Variants in MYCBP2 observed in about 807,000 individuals in gnomAD.
MYCBP2 encodes the protein E3 ubiquitin-protein ligase MYCBP2.
In MYCBP2, 120 loss-of-function variants were observed where a neutral mutation model predicts 525.3. The ratio of observed to expected loss-of-function variants is 0.23; its 90% confidence interval spans 0.20 to 0.27. The LOEUF is 0.27. Ranked by LOEUF, MYCBP2 falls within the 10% of genes least tolerant of loss-of-function variation. The pLI is 1.00. For missense variants in MYCBP2, 4,149 were observed against 5,657.1 expected (o/e 0.73, Z 8.55); for synonymous variants, 1,894 against 1,955.8 (o/e 0.97, Z 0.83).
Position 77,174,380 on chromosome 13 carries a change from C to A in MYCBP2, c.5582G>T (p.Ser1861Ile), listed in dbSNP as rs747401240. Residue 1861 changes from serine (S) to isoleucine (I), a missense_variant, in exon 37 of 83, where the codon AGC (serine) becomes ATC (isoleucine). Physicochemically the swap from Ser to Ile is moderately radical, Grantham distance 142. Coordinates refer to ENST00000544440, the MANE Select transcript of MYCBP2 (RefSeq NM_015057.5). ...GCCGTTACTGCTCAAGCTGCACGTGCTGAATGTGAATGTCACACCATCAGG... is the reference window on the plus strand; with the variant it reads ...GCCGTTACTGCTCAAGCTGCACGTGATGAATGTGAATGTCACACCATCAGG... Reference protein sequence around the residue: ...QCPDGVTFTFSTCSLSSNGTN... With the variant: ...QCPDGVTFTFITCSLSSNGTN... 2 of 1,614,068 alleles carry A rather than the reference C, an allele frequency of 1.2e-6. No homozygotes were observed. The highest frequency in any genetic ancestry group is 2.7e-5 in the African/African-American group (2 of 74,942).
At chr13:77,131,834 C>T (rs139713487) in intron 52 of MYCBP2, among the ~76,000 whole-genome samples, 3 of 152,108 alleles carry the variant, frequency 2.0e-5, no homozygotes, top group Non-Finnish European at 4.4e-5. Context: ...TTAATGAACA[C>T]CAAATTGCAA....
chr13:77,303,350 A>C (rs766446350), intron 1 of MYCBP2, among the ~76,000 whole-genome samples: 12 of 152,342 alleles, frequency 7.9e-5, no homozygotes, highest in African/African-American at 2.6e-4. Context: ...ACAAACAAAC[A>C]AACCATGATT....
Position 77,225,498 on chromosome 13 carries a change from C to T in MYCBP2, c.2794G>A (p.Gly932Ser). Reference protein sequence around the residue: ...DASKITTYPPGSVRFDCELRA... With the variant: ...DASKITTYPPSSVRFDCELRA... ...AGCTCACAGTCAAATCGCACAGAGCCTGGAGGGTATGTTGTGATTTTGCTT... is the reference window on the plus strand; with the variant it reads ...AGCTCACAGTCAAATCGCACAGAGCTTGGAGGGTATGTTGTGATTTTGCTT... Residue 932 changes from glycine (G) to serine (S), a missense_variant, in exon 19 of 83, where the codon GGC (glycine) becomes AGC (serine). By Grantham distance (56) the Gly-to-Ser change is moderately conservative (BLOSUM62 0). Transcript: ENST00000544440. 3.7e-6 allele frequency: 6 copies of T among 1,613,740 alleles called. No homozygotes were observed. The highest frequency in any genetic ancestry group is 5.1e-6 in the Non-Finnish European group (6 of 1,179,780).
chr13:77,077,206 G>A lies in MYCBP2; in HGVS notation c.11666C>T (p.Ala3889Val), dbSNP rs2042467920. 6.2e-7 allele frequency: 1 copy of A among 1,613,970 alleles called. No homozygotes were observed. The highest frequency in any genetic ancestry group is 8.5e-7 in the Non-Finnish European group (1 of 1,179,956). Residue 3889 changes from alanine to valine, a missense_variant, in exon 67 of 83, where the codon GCC becomes GTC. Transcript: ENST00000544440. ...CTCAGCTTCACAGTTCCTCTGCTGG[G>A]CCACACTGGCTGAAATCTGGCCAGC... is the stretch of plus-strand genomic sequence containing the variant. Reference protein sequence around the residue: ...KIAGQISASVAQQRNCEAETL... With the variant: ...KIAGQISASVVQQRNCEAETL...
chr13:77,234,001 CAT>C (rs202176868), intron 17 of MYCBP2, among the ~76,000 whole-genome samples: 1 of 151,582 alleles, frequency 6.6e-6, no homozygotes, highest in Non-Finnish European at 1.5e-5. Flanking sequence ...CCACTATGTA[CAT>C]ATATATATAC....
At chr13:77,315,555 G>A (rs2080827182) in intron 1 of MYCBP2, among the ~76,000 whole-genome samples, 1 of 152,024 alleles carries the variant, frequency 6.6e-6, no homozygotes, top group Non-Finnish European at 1.5e-5. Context: ...ATTTTAACAG[G>A]TAGAGGAAAA....
chr13:77,109,893 C>T (rs1050946281), intron 55 of MYCBP2: 1 of 152,144 alleles, frequency 6.6e-6, no homozygotes, highest in Admixed American at 6.6e-5. Context: ...TATCAGTTCC[C>T]AAATAATACT....
chr13:77,246,077 A>T (rs1381261295), intron 15 of MYCBP2, among the ~76,000 whole-genome samples: 1 of 152,140 alleles, frequency 6.6e-6, no homozygotes, highest in African/African-American at 2.4e-5. Context: ...CTTCTTAGTC[A>T]CATATTTTGT....
At chr13:77,303,021 T>C (rs1194929073) in intron 1 of MYCBP2, among the ~76,000 whole-genome samples, 2 of 152,144 alleles carry the variant, frequency 1.3e-5, no homozygotes, top group Non-Finnish European at 2.9e-5. Context: ...AAAACAGCAC[T>C]GACATAGAAA....
At chr13:77,242,619 C>G (rs2069061823) in intron 17 of MYCBP2, among the ~76,000 whole-genome samples, 1 of 152,052 alleles carries the variant, frequency 6.6e-6, no homozygotes, top group Non-Finnish European at 1.5e-5. Context: ...GGACTATGTC[C>G]AAATGATAAT....
At chr13:77,172,232 C>T (rs1302350687) in intron 37 of MYCBP2, among the ~76,000 whole-genome samples, 2 of 151,026 alleles carry the variant, frequency 1.3e-5, no homozygotes, top group Non-Finnish European at 1.5e-5. Context: ...AAGACCCACG[C>T]GAAGAGCTGA....
intron 2 of MYCBP2, among the ~76,000 whole-genome samples, chr13:77,290,712 G>A (rs9565333): frequency 0.031 from 4,734 of 152,220 alleles, 209 homozygotes; most frequent in East Asian, 0.19. Context: ...GAGAGGGTGA[G>A]GAAGGAAGAT....
At chr13:77,125,255 A>C in intron 54 of MYCBP2, 81 bp downstream of exon 54, 1 of 1,502,384 alleles carries the variant, frequency 6.7e-7, no homozygotes, top group East Asian at 2.3e-5. Context: ...AAACTCTTTA[A>C]AACAAAAGCA....
intron 55 of MYCBP2, among the ~76,000 whole-genome samples, chr13:77,120,036 A>G (rs2050418663): frequency 6.6e-6 from 1 of 152,198 alleles, no homozygotes; most frequent in South Asian, 2.1e-4. Context: ...ATAAATTATA[A>G]TGACTGATTT....
At chr13:77,213,353 T>C (rs1394408655) in intron 21 of MYCBP2, among the ~76,000 whole-genome samples, 1 of 152,028 alleles carries the variant, frequency 6.6e-6, no homozygotes, top group East Asian at 1.9e-4. Flanking sequence ...CATGGGCCTG[T>C]AATCCCAGCT....
chr13:77,130,368 CTTTA>C (rs778631635), intron 52 of MYCBP2, among the ~76,000 whole-genome samples: 68 of 151,570 alleles, frequency 4.5e-4, no homozygotes, highest in Non-Finnish European at 7.4e-4. Context: ...GATAATGAGA[CTTTA>C]TTTACTGTTT....
rs1360590430 is a variant in MYCBP2 at position 77,288,212 on chromosome 13, T to C, written c.543A>G (p.Ser181=). ...TGGATTCCTCTTCTTCATCACTATC[T>C]GATTCTCCACTCTGCACAGAGTTCT... is the stretch of plus-strand genomic sequence containing the variant. ...ASKNSVQSGE[S]DSDEEEESKE... The change falls in exon 3 of 83, where the codon TCA becomes TCG. Residue 181 remains serine, a synonymous_variant. Coordinates refer to ENST00000544440, the MANE Select transcript of MYCBP2 (RefSeq NM_015057.5). 1 of 1,614,098 alleles carries C rather than the reference T, an allele frequency of 6.2e-7. No homozygotes were observed. The highest frequency in any genetic ancestry group is 2.2e-5 in the East Asian group (1 of 44,886).
rs575914602 is a variant in MYCBP2 at position 77,261,244 on chromosome 13, G to A, written c.1779C>T (p.His593=). The change falls in exon 12 of 83, where the codon CAC becomes CAT. Residue 593 remains histidine (H), a synonymous_variant. Coordinates refer to ENST00000544440, the MANE Select transcript of MYCBP2 (RefSeq NM_015057.5). ...TCCCATCTTCTGCAACTAAAAGGGC[G>A]TGAGAGCCATCGTGTCCAACTGAGA... ...VHFSVGHDGS[H]ALLVAEDGSI... 40 of 1,613,640 alleles carry A rather than the reference G, an allele frequency of 2.5e-5. No individual in the cohort carries two copies. The highest frequency in any genetic ancestry group is 3.3e-4 in the Middle Eastern group (2 of 6,060).
intron 62 of MYCBP2, among the ~76,000 whole-genome samples, chr13:77,086,658 T>C (rs1331143742): frequency 6.6e-6 from 1 of 152,146 alleles, no homozygotes; most frequent in Non-Finnish European, 1.5e-5. Flanking sequence ...TCTAGATAAT[T>C]TCTACAGGTC....
Sources: gnomAD v4.1 joint callset for allele counts (sites outside exome capture counted in the v4.1 genomes callset) on GRCh38, gnomAD v4.1.1 for gene constraint, MANE v1.5 for transcripts, NCBI Gene and HGNC (gene_info 2026-07-23, HGNC 2026-07-21) for gene names.